Variants in RNF38 observed in about 807,000 individuals in gnomAD.
The protein encoded by RNF38 is E3 ubiquitin-protein ligase RNF38.
Under a neutral mutation model 67.2 loss-of-function variants are expected in RNF38, and 15 were observed. That is an observed-to-expected ratio of 0.22 (90% confidence interval 0.15 to 0.34). The LOEUF is 0.34. RNF38 is among the 10% of genes least tolerant of loss of function. The pLI is 1.00. For synonymous variants in RNF38, 220 were observed against 218.8 expected, an observed-to-expected ratio of 1.01 and a Z score of -0.05; for missense variants, 524 against 639.9, an observed-to-expected ratio of 0.82 and a Z score of 1.95.
At chr9:36,482,353 CTTTTTTTT>C (rs71336457) in intron 1 of RNF38, among the ~76,000 whole-genome samples, 1 of 107,676 alleles carries the variant, frequency 9.3e-6, no homozygotes, top group East Asian at 2.8e-4. Flanking sequence ...GTGCCCAGAC[CTTTTTTTT>C]TTTTTTTTTG....
At chr9:36,427,203 A>C (rs941350874) in intron 1 of RNF38, among the ~76,000 whole-genome samples, 9 of 152,246 alleles carry the variant, frequency 5.9e-5, no homozygotes, top group Non-Finnish European at 1.3e-4. Context: ...AGTACTAAGT[A>C]ATTGCAAAAG....
chr9:36,414,679 T>C (rs1838414579), intron 2 of RNF38, among the ~76,000 whole-genome samples: 1 of 142,360 alleles, frequency 7.0e-6, no homozygotes, highest in South Asian at 2.2e-4. Context: ...AGAGCGAAAC[T>C]CTGTCTCCAA....
In RNF38 at chr9:36,353,042, A is replaced by G. The variant is rs904495159; in HGVS notation, c.1071+128T>C. 1.9e-5 allele frequency: 17 copies of G among 891,872 alleles called. No homozygotes were observed. In the Admixed American group the frequency reaches 3.5e-4, roughly 18 times the overall value. 55.2% of individuals were successfully genotyped at this position (891,872 alleles called of 1,614,324 possible). A position where few individuals can be genotyped will look rare whatever the true frequency, so the allele number is the denominator to read the frequency against. On this transcript the variant is annotated intron_variant, in intron 7 of 11. Transcript: ENST00000259605. ...CATACACTCAGGTGTATTTCTAAATATAACTTTCCAACTGAATGCTGTCGA... is the reference window on the plus strand; with the variant it reads ...CATACACTCAGGTGTATTTCTAAATGTAACTTTCCAACTGAATGCTGTCGA...
chr9:36,392,141 A>T (rs1480376793), intron 1 of RNF38, among the ~76,000 whole-genome samples: 1 of 152,196 alleles, frequency 6.6e-6, no homozygotes, highest in Non-Finnish European at 1.5e-5. Flanking sequence ...CTGTTAATAT[A>T]TTAATACCCT....
intron 5 of RNF38, 148 bp downstream of exon 5, chr9:36,357,627 A>C: frequency 2.0e-6 from 1 of 504,672 alleles, no homozygotes; most frequent in South Asian, 5.0e-5. Context: ...CTTGAAAGTG[A>C]AACTACAAAG....
rs532911111 is a variant in RNF38, at chr9:36,337,727, A to G, written c.*2025T>C. On this transcript the variant is annotated 3_prime_UTR_variant, in exon 12 of 12. Transcript: ENST00000259605. Reference sequence around the variant, plus strand: ...ATTATGCCAAGAATTTTGGTCTTTAACACACTTTTTATTCATCAGGAACAG... The same window carrying G: ...ATTATGCCAAGAATTTTGGTCTTTAGCACACTTTTTATTCATCAGGAACAG... The G allele has an allele frequency of 5.9e-5, 9 of 152,688 alleles. No individual in the cohort carries two copies. The highest frequency in any genetic ancestry group is 5.9e-4 in the Admixed American group (9 of 15,292). The allele number at this position is 152,688 out of a possible 1,614,324, so 9.5% of individuals were successfully genotyped here.
At chr9:36,374,005 A>G (rs1326153785) in intron 3 of RNF38, among the ~76,000 whole-genome samples, 2 of 152,058 alleles carry the variant, frequency 1.3e-5, no homozygotes, top group African/African-American at 2.4e-5. Context: ...TTTTAACTGT[A>G]CATTTGTTTT....
At position 36,444,313 on chromosome 9, in the gene RNF38, T is replaced by C. The variant is rs1839255336; in HGVS notation, n.242-19630A>G. ...AGAAAAAAAAATGAGGGTTGCAGGT[T>C]GGGGGGAAGGGAGAGCATCAGGAAG... On this transcript the variant is annotated intron_variant and non_coding_transcript_variant, in intron 1 of 3. Transcript: ENST00000488058. 3.3e-5 allele frequency among the ~76,000 whole-genome samples: 5 copies of C among 151,830 alleles called. No homozygotes were observed. In the South Asian group the frequency reaches 1.0e-3, roughly 32 times the overall value.
chr9:36,402,366 G>C (rs1480779552), upstream of RNF38, among the ~76,000 whole-genome samples: 1 of 152,012 alleles, frequency 6.6e-6, no homozygotes, highest in African/African-American at 2.4e-5. Context: ...TTCACTTCAA[G>C]GTAAAGTGCC....
intron 2 of RNF38, among the ~76,000 whole-genome samples, chr9:36,380,030 T>C (rs939672661): frequency 6.6e-6 from 1 of 152,218 alleles, no homozygotes; most frequent in African/African-American, 2.4e-5. Flanking sequence ...TAGTTTCTGA[T>C]AGTTAAAATC....
intron 9 of RNF38, among the ~76,000 whole-genome samples, chr9:36,348,014 T>A (rs1020724944): frequency 1.4e-4 from 22 of 152,092 alleles, no homozygotes; most frequent in African/African-American, 5.1e-4. Flanking sequence ...AGGCGGAGCT[T>A]GCAGTGAGCC....
chr9:36,389,568 AAG>A (rs1457245841), intron 2 of RNF38, among the ~76,000 whole-genome samples: 1 of 152,216 alleles, frequency 6.6e-6, no homozygotes, highest in Non-Finnish European at 1.5e-5. Context: ...TAAAAACAAA[AAG>A]AGTTAATACA....
At chr9:36,350,726 G>A (rs1833630500) in intron 9 of RNF38, among the ~76,000 whole-genome samples, 2 of 152,180 alleles carry the variant, frequency 1.3e-5, no homozygotes, top group South Asian at 4.1e-4. Flanking sequence ...TCATAGCTAT[G>A]TGGTATTACA....
chr9:36,340,535 C>T (rs1266998691), intron 11 of RNF38, among the ~76,000 whole-genome samples: 4 of 151,934 alleles, frequency 2.6e-5, no homozygotes, highest in African/African-American at 9.7e-5. Context: ...CAGGTGTGTG[C>T]CACCACACCC....
At chr9:36,372,512 C>G (rs1835465368) in intron 3 of RNF38, 2 of 712,098 alleles carry the variant, frequency 2.8e-6, no homozygotes, top group Non-Finnish European at 5.2e-6. Context: ...AACTGAAATC[C>G]TGCTAGATTA....
At chr9:36,421,432 G>C (rs938881167) in intron 2 of RNF38, among the ~76,000 whole-genome samples, 4 of 152,042 alleles carry the variant, frequency 2.6e-5, no homozygotes, top group Non-Finnish European at 5.9e-5. Flanking sequence ...GGGAGGCTGA[G>C]GTGGGAGGAT....
chr9:36,423,915 C>T (rs1307210616), intron 2 of RNF38, among the ~76,000 whole-genome samples: 1 of 131,690 alleles, frequency 7.6e-6, no homozygotes, highest in Non-Finnish European at 1.6e-5. Flanking sequence ...CGCCACTGCA[C>T]TCCAGCCTGG....
intron 2 of RNF38, among the ~76,000 whole-genome samples, chr9:36,382,246 G>A (rs904894099): frequency 5.9e-5 from 9 of 152,174 alleles, no homozygotes; most frequent in Admixed American, 5.2e-4. Context: ...AATATAGAAC[G>A]TTGTACAGAC....
intron 10 of RNF38, among the ~76,000 whole-genome samples, chr9:36,343,859 G>C (rs532813377): frequency 8.5e-5 from 13 of 152,290 alleles, no homozygotes; most frequent in African/African-American, 3.1e-4. Flanking sequence ...GTAGACTGGG[G>C]ATGGGGAGGA....
Sources: gnomAD v4.1 joint callset for allele counts (sites outside exome capture counted in the v4.1 genomes callset) on GRCh38, gnomAD v4.1.1 for gene constraint, MANE v1.5 for transcripts, NCBI Gene and HGNC (gene_info 2026-07-23, HGNC 2026-07-21) for gene names.